The following SPRED2 variants were observed in gnomAD, a reference collection of about 807,000 sequenced individuals.
SPRED2 encodes the protein sprouty-related, EVH1 domain-containing protein 2.
A neutral mutation model predicts 43.0 loss-of-function variants in SPRED2; 47 were observed. That is an observed-to-expected ratio of 1.09 (90% CI 0.87 to 1.40). The LOEUF (loss-of-function observed/expected upper bound fraction) is 1.40, where lower values mean the gene tolerates loss of function less well. SPRED2 is among the 40% of genes most tolerant of loss of function. The pLI, the probability that SPRED2 is intolerant of heterozygous loss-of-function variation, is 0.00. For missense variants in SPRED2, 561 were observed against 586.4 expected (o/e 0.96, Z 0.45); for synonymous variants, 225 against 225.7 (o/e 1.00, Z 0.03).
chr2:65,384,527 G>A (rs1282915023), intron 1 of SPRED2, among the ~76,000 whole-genome samples: 1 of 152,208 alleles, frequency 6.6e-6, no homozygotes, highest in Non-Finnish European at 1.5e-5. Flanking sequence ...CAACAGCAGA[G>A]CATTAAACCA....
chr2:65,373,904 A>AT (rs1367654160), intron 1 of SPRED2: 15 of 152,302 alleles, frequency 9.8e-5, no homozygotes, highest in African/African-American at 2.4e-4. Flanking sequence ...TGTGATGTGT[A>AT]TTTTTTTCTT....
rs184594924 is a variant in SPRED2 at position 65,411,678 on chromosome 2, C to T, written c.26+20284G>A. Among the ~76,000 whole-genome samples the T allele has an allele frequency of 4.6e-5, 7 of 152,234 alleles. No individual in the cohort carries two copies. The East Asian group carries it at 5.8e-4, about 13-fold the overall frequency. Reference sequence around the variant, plus strand: ...AATCAAGGAAAGCTGACCTTTGGAACGCTGGTGACTTGTTGGGTAAATATG... The same window carrying T: ...AATCAAGGAAAGCTGACCTTTGGAATGCTGGTGACTTGTTGGGTAAATATG... On this transcript the variant is annotated intron_variant, in intron 1 of 5. Coordinates refer to ENST00000356388, the MANE Select transcript of SPRED2 (RefSeq NM_181784.3).
intron 1 of SPRED2, among the ~76,000 whole-genome samples, chr2:65,427,743 A>G (rs1228013781): frequency 2.0e-5 from 3 of 152,252 alleles, no homozygotes; most frequent in African/African-American, 4.8e-5. Flanking sequence ...CCAGTTCAGA[A>G]GAATAATGAA....
intron 1 of SPRED2, among the ~76,000 whole-genome samples, chr2:65,351,538 C>T (rs566541497): frequency 4.1e-4 from 63 of 152,318 alleles, no homozygotes; most frequent in Non-Finnish European, 6.9e-4. Context: ...AACTCCCAGA[C>T]GCCAGCTGAG....
chr2:65,364,473 T>C (rs532355122), intron 1 of SPRED2, among the ~76,000 whole-genome samples: 51 of 152,346 alleles, frequency 3.3e-4, no homozygotes, highest in African/African-American at 1.2e-3. Flanking sequence ...AAAAACCACG[T>C]GGTTCCTTTG....
intron 1 of SPRED2, among the ~76,000 whole-genome samples, chr2:65,356,984 T>C (rs762532346): frequency 4.0e-5 from 6 of 151,556 alleles, no homozygotes; most frequent in Admixed American, 6.6e-5. Context: ...ACAGAATGAG[T>C]CTCTGTCTCA....
At chr2:65,410,120 C>CCTAT (rs1052142479) in intron 1 of SPRED2, among the ~76,000 whole-genome samples, 2 of 151,770 alleles carry the variant, frequency 1.3e-5, no homozygotes, top group Non-Finnish European at 2.9e-5. Context: ...GCCTGTAATA[C>CCTAT]CTATGCTTTG....
At chr2:65,337,035 G>T (rs889701454) in intron 2 of SPRED2, among the ~76,000 whole-genome samples, 1 of 152,126 alleles carries the variant, frequency 6.6e-6, no homozygotes, top group Non-Finnish European at 1.5e-5. Context: ...GTGAACCCGG[G>T]AGGCGGAGCT....
chr2:65,374,869 A>G (rs969471191), intron 1 of SPRED2, among the ~76,000 whole-genome samples: 1 of 152,174 alleles, frequency 6.6e-6, no homozygotes, highest in African/African-American at 2.4e-5. Context: ...AGAGCACCCA[A>G]CTTGTTTCGA....
chr2:65,359,997 G>A (rs191639435), intron 1 of SPRED2, among the ~76,000 whole-genome samples: 58 of 147,172 alleles, frequency 3.9e-4, no homozygotes, highest in African/African-American at 1.4e-3. Context: ...CCCCGGAGGC[G>A]GAGGTTGCAG....
intron 1 of SPRED2, among the ~76,000 whole-genome samples, chr2:65,367,377 TG>T (rs1675005102): frequency 6.6e-6 from 1 of 152,198 alleles, no homozygotes; most frequent in Non-Finnish European, 1.5e-5. Context: ...TCTTGATAAA[TG>T]GTTGCATCTG....
chr2:65,353,247 C>G (rs1178254493), intron 1 of SPRED2, among the ~76,000 whole-genome samples: 1 of 152,200 alleles, frequency 6.6e-6, no homozygotes, highest in African/African-American at 2.4e-5. Context: ...CTAGCGCCCT[C>G]TGTGTCCAAG....
Position 65,363,000 on chromosome 2 carries a change from G to GTTTTTTT in SPRED2, c.27-18105_27-18104insAAAAAAA, listed in dbSNP as rs759784526. 3.1e-3 allele frequency among the ~76,000 whole-genome samples: 204 copies of GTTTTTTT among 66,846 alleles called. 15 individuals are homozygous for GTTTTTTT. Among genetic ancestry groups the GTTTTTTT allele is most frequent in the African/African-American group, 0.014 (201 of 14,194 alleles). The allele number at this position is 66,846 out of a possible 152,430, so 43.9% of individuals were successfully genotyped here. ...CACTTGCTTTCTCTATGGTCATCAT[G>GTTTTTTT]TTTTGTTTTTTTTTTTTTTTTTTTT... On this transcript the variant is annotated intron_variant, in intron 1 of 5. Coordinates refer to ENST00000356388, the MANE Select transcript of SPRED2 (RefSeq NM_181784.3).
chr2:65,313,252 T>C lies in SPRED2; in HGVS notation c.*249A>G. 1.5e-6 allele frequency: 2 copies of C among 1,290,958 alleles called. No individual in the cohort carries two copies. Among genetic ancestry groups the C allele is most frequent in the Non-Finnish European group, 2.0e-6 (2 of 1,021,162 alleles). The allele number at this position is 1,290,958 out of a possible 1,614,324, so 80.0% of individuals were successfully genotyped here. A position where few individuals can be genotyped will look rare whatever the true frequency, so the allele number is the denominator to read the frequency against. On this transcript the variant is annotated 3_prime_UTR_variant, in exon 6 of 6. Transcript: ENST00000356388. Reference sequence around the variant, plus strand: ...ATAGTACAGGAGTCTGTGGCGAAGGTTCCTTCCTCAGAACACTGTGCGAGC... The same window carrying C: ...ATAGTACAGGAGTCTGTGGCGAAGGCTCCTTCCTCAGAACACTGTGCGAGC...
intron 1 of SPRED2, chr2:65,366,506 A>C: frequency 7.0e-7 from 1 of 1,434,304 alleles, no homozygotes; most frequent in Non-Finnish European, 9.5e-7. Context: ...TCTCCTTTAA[A>C]AAAATGCTAA....
intron 1 of SPRED2, among the ~76,000 whole-genome samples, chr2:65,358,148 T>C (rs940995359): frequency 1.3e-5 from 2 of 152,306 alleles, no homozygotes; most frequent in East Asian, 3.9e-4. Context: ...CCTGAAACCA[T>C]GACAGACTAA....
At chr2:65,342,388 ATATGTATATATG>A (rs1674218662) in intron 2 of SPRED2, among the ~76,000 whole-genome samples, 1 of 147,290 alleles carries the variant, frequency 6.8e-6, no homozygotes, top group Non-Finnish European at 1.5e-5. Flanking sequence ...TATATTTTGT[ATATGTATATATG>A]TATGTATATT....
chr2:65,423,815 C>G (rs114613927), intron 1 of SPRED2, among the ~76,000 whole-genome samples: 1,679 of 151,562 alleles, frequency 0.011, 35 homozygotes, highest in African/African-American at 0.037. Context: ...CTCTTGTTGA[C>G]CAGGCTGGAG....
chr2:65,362,379 C>T (rs4494728), intron 1 of SPRED2, among the ~76,000 whole-genome samples: 88,899 of 151,782 alleles, frequency 0.59, 26,203 homozygotes, highest in East Asian at 0.78. Flanking sequence ...ACGCCATTCT[C>T]CTGCCTCAGC....
Sources: allele counts gnomAD v4.1 joint callset (sites outside exome capture counted in the v4.1 genomes callset), GRCh38; gene constraint gnomAD v4.1.1; transcripts MANE v1.5; gene names NCBI Gene and HGNC (gene_info 2026-07-23, HGNC 2026-07-21).